Variants in NFIA observed in about 807,000 individuals in gnomAD.
NFIA encodes nuclear factor 1 A-type.
A neutral mutation model predicts 62.8 loss-of-function variants in NFIA; 8 were observed. The ratio of observed to expected loss-of-function variants is 0.13; its 90% CI spans 0.07 to 0.23. The LOEUF is 0.23. NFIA is among the 10% of genes least tolerant of loss of function. The pLI, the probability that NFIA is intolerant of heterozygous loss-of-function variation, is 1.00. For synonymous variants in NFIA, 235 were observed against 238.1 expected (o/e 0.99, Z 0.12); for missense variants, 410 against 642.1 (o/e 0.64, Z 3.91).
chr1:61,333,544 G>A (rs1014152649), intron 4 of NFIA, among the ~76,000 whole-genome samples: 1 of 152,238 alleles, frequency 6.6e-6, no homozygotes, highest in African/African-American at 2.4e-5. Flanking sequence ...GAACAGGGGA[G>A]AATCTAATGA....
chr1:61,358,136 A>G (rs1181127603), intron 5 of NFIA, among the ~76,000 whole-genome samples: 1 of 152,186 alleles, frequency 6.6e-6, no homozygotes, highest in Non-Finnish European at 1.5e-5. Flanking sequence ...TAGAGAAAGC[A>G]CATAAAAGTC....
chr1:61,295,648 G>A (rs2100319609), intron 3 of NFIA, among the ~76,000 whole-genome samples: 1 of 152,288 alleles, frequency 6.6e-6, no homozygotes, highest in East Asian at 1.9e-4. Context: ...ATTGTAACTG[G>A]CCTTAGGAAG....
chr1:61,195,314 A>G (rs1364654829), intron 2 of NFIA, among the ~76,000 whole-genome samples: 3 of 152,102 alleles, frequency 2.0e-5, no homozygotes, highest in Non-Finnish European at 4.4e-5. Flanking sequence ...ATTAATTAAT[A>G]TTATCTTAGC....
At chr1:61,235,279 G>C (rs914319333) in intron 2 of NFIA, among the ~76,000 whole-genome samples, 1 of 151,868 alleles carries the variant, frequency 6.6e-6, no homozygotes, top group African/African-American at 2.4e-5. Context: ...TGTCTAACAC[G>C]GTGAAACCCC....
upstream of NFIA, among the ~76,000 whole-genome samples, chr1:61,079,835 C>A (rs758672208): frequency 4.6e-5 from 7 of 152,126 alleles, no homozygotes; most frequent in Non-Finnish European, 8.8e-5. Flanking sequence ...ATGTTTTTTA[C>A]CCCCAGTCTG....
intron 2 of NFIA, among the ~76,000 whole-genome samples, chr1:61,193,975 G>A (rs1236037117): frequency 6.6e-6 from 1 of 152,140 alleles, no homozygotes; most frequent in Non-Finnish European, 1.5e-5. Context: ...TAACTGATTG[G>A]CCTGATGAAT....
intron 4 of NFIA, among the ~76,000 whole-genome samples, chr1:61,349,828 A>G (rs1308154658): frequency 6.6e-6 from 1 of 152,080 alleles, no homozygotes. Context: ...TTTGGTCTCA[A>G]GCAATCCTCC....
Position 61,330,443 on chromosome 1 carries a change from C to CCACA in NFIA, c.626-2055_626-2052dup, listed in dbSNP as rs1553173861. Among the ~76,000 whole-genome samples, 6 of 90,732 alleles carry CCACA rather than the reference C, an allele frequency of 6.6e-5. No homozygotes were observed. In the East Asian group the frequency reaches 3.0e-3, roughly 46 times the overall value. The allele number at this position is 90,732 out of a possible 152,430, so 59.5% of individuals were successfully genotyped here. On this transcript the variant is annotated intron_variant, in intron 3 of 10. Transcript: ENST00000403491. ...AACTTAGGAAATAGATACACCCCCC[C>CCACA]CACACACACACACACACGCACACAT...
Position 61,462,040 on chromosome 1 carries a change from T to G in NFIA, c.*6720T>G, listed in dbSNP as rs1236769488. On this transcript the variant is annotated 3_prime_UTR_variant, in exon 11 of 11. Transcript: ENST00000403491. ...CCTTTTTGGGTTTTTTTTTTTTTTTTTTGGCTTTTTTTTTTGTTTGTTTTT... is the reference window on the plus strand; with the variant it reads ...CCTTTTTGGGTTTTTTTTTTTTTTTGTTGGCTTTTTTTTTTGTTTGTTTTT... 1.1e-4 allele frequency: 16 copies of G among 149,324 alleles called. No homozygotes were observed. Among genetic ancestry groups the G allele is most frequent in the African/African-American group, 4.0e-4 (16 of 40,442 alleles). 9.2% of individuals were successfully genotyped at this position (149,324 alleles called of 1,614,324 possible).
intron 2 of NFIA, among the ~76,000 whole-genome samples, chr1:61,153,858 A>T (rs1648599312): frequency 6.6e-6 from 1 of 152,216 alleles, no homozygotes; most frequent in Non-Finnish European, 1.5e-5. Flanking sequence ...TGGTCAGCTT[A>T]GAGAGGGCTC....
At chr1:61,081,710 C>CCCGCGGCGGCGG, upstream of NFIA, 1 of 636,638 alleles carries the variant, frequency 1.6e-6, no homozygotes, top group Non-Finnish European at 2.6e-6. Flanking sequence ...CCCCCGCCCC[C>CCCGCGGCGGCGG]CAAATCCGGT....
intron 4 of NFIA, among the ~76,000 whole-genome samples, chr1:61,349,076 C>G (rs1367294957): frequency 1.3e-5 from 2 of 152,160 alleles, no homozygotes; most frequent in Non-Finnish European, 2.9e-5. Context: ...TTTGACTAAT[C>G]TCCCCCACCC....
intron 2 of NFIA, among the ~76,000 whole-genome samples, chr1:61,117,938 C>T (rs897399664): frequency 1.3e-5 from 2 of 152,116 alleles, no homozygotes; most frequent in African/African-American, 4.8e-5. Flanking sequence ...AATCCCAGCA[C>T]TTTGGGAGGC....
chr1:61,260,961 C>A (rs571764878), intron 2 of NFIA, among the ~76,000 whole-genome samples: 1 of 152,282 alleles, frequency 6.6e-6, no homozygotes, highest in South Asian at 2.1e-4. Flanking sequence ...GACACAATTT[C>A]TAAAGTTATT....
upstream of NFIA, among the ~76,000 whole-genome samples, chr1:61,079,898 GGAGA>G (rs1250846846): frequency 6.6e-6 from 1 of 152,148 alleles, no homozygotes; most frequent in Non-Finnish European, 1.5e-5. Flanking sequence ...TATGCCTGTT[GGAGA>G]GAAAGTTACC....
rs1319829225 is a variant in NFIA, at chr1:61,301,794, C to T, written c.625+24209C>T. Among the ~76,000 whole-genome samples the T allele has an allele frequency of 2.6e-5, 4 of 152,136 alleles. No individual in the cohort carries two copies. The South Asian group carries it at 8.3e-4, about 32-fold the overall frequency. On this transcript the variant is annotated intron_variant, in intron 3 of 10. Coordinates refer to ENST00000403491, the MANE Select transcript of NFIA (RefSeq NM_001134673.4). ...CAGAAATGATTGACATCAGATTCTT[C>T]CTGAAAGCAGTTTCTCCTGTGGAAA...
intron 2 of NFIA, among the ~76,000 whole-genome samples, chr1:61,108,818 T>C (rs981809222): frequency 4.6e-5 from 7 of 151,854 alleles, no homozygotes; most frequent in African/African-American, 1.7e-4. Flanking sequence ...TATGCTACCA[T>C]AATTGAAACC....
intron 2 of NFIA, among the ~76,000 whole-genome samples, chr1:61,264,038 T>C (rs1431008679): frequency 6.6e-6 from 1 of 151,976 alleles, no homozygotes; most frequent in Non-Finnish European, 1.5e-5. Flanking sequence ...GTTGAATGAA[T>C]GGAATTCTTG....
intron 2 of NFIA, among the ~76,000 whole-genome samples, chr1:61,238,380 C>T (rs557559260): frequency 6.6e-6 from 1 of 152,278 alleles, no homozygotes; most frequent in East Asian, 1.9e-4. Flanking sequence ...TTGAGTCGAG[C>T]ATAATTTATG....
Sources: gnomAD v4.1 joint callset for allele counts (sites outside exome capture counted in the v4.1 genomes callset) on GRCh38, gnomAD v4.1.1 for gene constraint, MANE v1.5 for transcripts, NCBI Gene and HGNC (gene_info 2026-07-23, HGNC 2026-07-21) for gene names.